Variants in PLCB1 observed in about 807,000 individuals in gnomAD.
PLCB1 encodes 1-phosphatidylinositol 4,5-bisphosphate phosphodiesterase beta-1.
Under a neutral mutation model 161.8 loss-of-function variants are expected in PLCB1, and 46 were observed. The ratio of observed to expected loss-of-function variants is 0.28; its 90% CI spans 0.22 to 0.36. The LOEUF (loss-of-function observed/expected upper bound fraction) is 0.36, where lower values mean the gene tolerates loss of function less well. PLCB1 is among the 10% of genes least tolerant of loss of function. The pLI is 1.00. For synonymous variants in PLCB1, 517 were observed against 503.7 expected (o/e 1.03, Z -0.35); for missense variants, 1,016 against 1,472.5 (o/e 0.69, Z 5.07).
At position 8,831,684 on chromosome 20, in the gene PLCB1, C is replaced by T. The variant is rs117793286; in HGVS notation, c.3423+41423C>T. Among the ~76,000 whole-genome samples the T allele has an allele frequency of 3.2e-4, 49 of 152,222 alleles. No individual in the cohort carries two copies. The East Asian group carries it at 9.1e-3, about 28-fold the overall frequency. ...TCACTCTGTCACCCAGCCTGGAGTG[C>T]AGTAGTACAGTTGTAGCTCACCATA... is the stretch of plus-strand genomic sequence containing the variant. On this transcript the variant is annotated intron_variant, in intron 31 of 31. Transcript: ENST00000338037.
intron 24 of PLCB1, among the ~76,000 whole-genome samples, chr20:8,759,650 A>C (rs2123569652): frequency 6.6e-6 from 1 of 152,042 alleles, no homozygotes; most frequent in Non-Finnish European, 1.5e-5. Context: ...ACAGGCGTGC[A>C]CCATCACACC....
intron 2 of PLCB1, among the ~76,000 whole-genome samples, chr20:8,367,034 A>AT (rs1251848600): frequency 6.6e-6 from 1 of 152,222 alleles, no homozygotes; most frequent in East Asian, 1.9e-4. Flanking sequence ...CACCTAGGAC[A>AT]TTTGCTTGGA....
In PLCB1 at chr20:8,647,893, C is replaced by T. The variant is rs1251607778; in HGVS notation, c.465-7C>T. The T allele has an allele frequency of 6.2e-7, 1 of 1,609,404 alleles. No homozygotes were observed. The highest frequency in any genetic ancestry group is 8.5e-7 in the Non-Finnish European group (1 of 1,176,830). On this transcript the variant is annotated splice_region_variant and splice_polypyrimidine_tract_variant and intron_variant, in intron 5 of 31. Transcript: ENST00000338037. ...ATCAAACCCTTGTTTTTCTGCTTCT[C>T]CAACAGCTATACTAAACTTAAGCTG...
intron 3 of PLCB1, among the ~76,000 whole-genome samples, chr20:8,581,256 G>A (rs1021602672): frequency 1.5e-4 from 23 of 152,120 alleles, no homozygotes; most frequent in African/African-American, 4.1e-4. Context: ...AGCTGAGAAC[G>A]CTGTGCTACT....
At chr20:8,481,763 T>C (rs1176129698) in intron 3 of PLCB1, among the ~76,000 whole-genome samples, 1 of 152,160 alleles carries the variant, frequency 6.6e-6, no homozygotes, top group Non-Finnish European at 1.5e-5. Context: ...CATCATGGAG[T>C]AAGCACTGAA....
chr20:8,462,068 ATG>A (rs1981603908), intron 3 of PLCB1, among the ~76,000 whole-genome samples: 2 of 152,070 alleles, frequency 1.3e-5, no homozygotes, highest in Admixed American at 6.6e-5. Flanking sequence ...ATGTAAATAT[ATG>A]TGTATATATA....
chr20:8,853,659 G>A (rs1006201144), intron 31 of PLCB1, among the ~76,000 whole-genome samples: 1 of 152,026 alleles, frequency 6.6e-6, no homozygotes, highest in African/African-American at 2.4e-5. Flanking sequence ...CTTGTACTGG[G>A]GGAAAAAAAA....
chr20:8,614,846 G>T (rs1019821746), intron 3 of PLCB1, among the ~76,000 whole-genome samples: 7 of 152,066 alleles, frequency 4.6e-5, no homozygotes, highest in African/African-American at 9.7e-5. Context: ...GACAGCACTG[G>T]TCTGGAAAGA....
chr20:8,239,091 G>A lies in PLCB1; in HGVS notation c.177+88720G>A, dbSNP rs549447508. Among the ~76,000 whole-genome samples, 5 of 152,122 alleles carry A rather than the reference G, an allele frequency of 3.3e-5. No homozygotes were observed. In the East Asian group the frequency reaches 9.7e-4, roughly 30 times the overall value. ...TAAACAGAAAGAACCCTAAGTGAAA[G>A]CAGGAGGAGATTGGAGCAGTATACC... On this transcript the variant is annotated intron_variant, in intron 2 of 31. Transcript: ENST00000338037.
At position 8,542,425 on chromosome 20, in the gene PLCB1, A is replaced by C. The variant is rs572960929; in HGVS notation, c.247-85869A>C. On this transcript the variant is annotated intron_variant, in intron 3 of 31. Coordinates refer to ENST00000338037, the MANE Select transcript of PLCB1 (RefSeq NM_015192.4). ...CCTACATCCTCCACATTAGCTGCCC[A>C]GTCTTGTCAAGTGACACACGGGATA... is the stretch of plus-strand genomic sequence containing the variant. Among the ~76,000 whole-genome samples, 20 of 152,326 alleles carry C rather than the reference A, an allele frequency of 1.3e-4. No individual in the cohort carries two copies. In the South Asian group the frequency reaches 3.7e-3, roughly 28 times the overall value.
intron 2 of PLCB1, among the ~76,000 whole-genome samples, chr20:8,285,277 A>AAT: frequency 6.7e-6 from 1 of 148,776 alleles, no homozygotes; most frequent in Non-Finnish European, 1.5e-5. Flanking sequence ...AATATTTCTA[A>AAT]ATATATATAT....
intron 2 of PLCB1, among the ~76,000 whole-genome samples, chr20:8,229,209 A>G (rs957214617): frequency 3.9e-5 from 6 of 152,164 alleles, no homozygotes; most frequent in African/African-American, 1.4e-4. Context: ...ACTATAAAAC[A>G]TAATACACAT....
chr20:8,223,648 T>C (rs1979529255), intron 2 of PLCB1, among the ~76,000 whole-genome samples: 1 of 152,190 alleles, frequency 6.6e-6, no homozygotes, highest in South Asian at 2.1e-4. Flanking sequence ...GATTGTGTTT[T>C]GGGTATGTAA....
At chr20:8,648,119 C>T (rs1989216003) in intron 6 of PLCB1, among the ~76,000 whole-genome samples, 166 bp downstream of exon 6, 1 of 152,200 alleles carries the variant, frequency 6.6e-6, no homozygotes, top group Admixed American at 6.5e-5. Flanking sequence ...CTGCTTTCCT[C>T]ATAGACGTCT....
rs530541119 is a variant in PLCB1, at chr20:8,379,057, G to T, written c.246+7607G>T. On this transcript the variant is annotated intron_variant, in intron 3 of 31. Transcript: ENST00000338037. ...ACATAGGTATACGCATGCCATGGTG[G>T]TTTGCTATGTCTATTGACTCGTCCT... Among the ~76,000 whole-genome samples, 5 of 152,114 alleles carry T rather than the reference G, an allele frequency of 3.3e-5. No individual in the cohort carries two copies. The East Asian group carries it at 5.8e-4, about 18-fold the overall frequency.
chr20:8,561,076 G>A (rs1300666019), intron 3 of PLCB1, among the ~76,000 whole-genome samples: 1 of 151,914 alleles, frequency 6.6e-6, no homozygotes, highest in African/African-American at 2.4e-5. Flanking sequence ...CTAGAAGCCA[G>A]ATGATGGGAA....
At chr20:8,871,247 A>G (rs1227549728) in intron 31 of PLCB1, among the ~76,000 whole-genome samples, 2 of 152,212 alleles carry the variant, frequency 1.3e-5, no homozygotes, top group Non-Finnish European at 2.9e-5. Context: ...CATGTTTTCT[A>G]TCACATCTAC....
intron 4 of PLCB1, among the ~76,000 whole-genome samples, chr20:8,639,887 A>C (rs1988884736): frequency 7.5e-6 from 1 of 133,420 alleles, no homozygotes; most frequent in African/African-American, 2.7e-5. Flanking sequence ...TTAAATTAGA[A>C]GACAAGAAAA....
intron 9 of PLCB1, among the ~76,000 whole-genome samples, chr20:8,667,438 ATC>A (rs1298849964): frequency 1.3e-5 from 2 of 152,134 alleles, no homozygotes; most frequent in Non-Finnish European, 2.9e-5. Context: ...GTCATTGTGG[ATC>A]TATTGTTCAT....
Sources: allele counts gnomAD v4.1 joint callset (sites outside exome capture counted in the v4.1 genomes callset), GRCh38; gene constraint gnomAD v4.1.1; transcripts MANE v1.5; gene names NCBI Gene and HGNC (gene_info 2026-07-23, HGNC 2026-07-21).